Variants in WWC2 observed in about 807,000 individuals in gnomAD.
WWC2 encodes protein WWC2.
Under a neutral mutation model 138.5 loss-of-function variants are expected in WWC2, and 101 were observed. That is an observed-to-expected ratio of 0.73 (90% CI 0.62 to 0.86). WWC2 has a LOEUF of 0.86. WWC2 is among the 40% of genes least tolerant of loss of function. WWC2 has a pLI of 0.00. For synonymous variants in WWC2, 558 were observed against 538.4 expected (o/e 1.04, Z -0.50); for missense variants, 1,420 against 1,419.4 (o/e 1.00, Z -0.01).
intron 1 of WWC2, among the ~76,000 whole-genome samples, chr4:183,193,218 C>T (rs1480069329): frequency 6.6e-6 from 1 of 152,176 alleles, no homozygotes; most frequent in Non-Finnish European, 1.5e-5. Context: ...GATCTTGTCT[C>T]CATGCTACTG....
At chr4:183,111,099 G>A (rs1311973833) in intron 1 of WWC2, among the ~76,000 whole-genome samples, 1 of 152,120 alleles carries the variant, frequency 6.6e-6, no homozygotes, top group South Asian at 2.1e-4. Context: ...AATTAGCCGG[G>A]CGTCGTGGCA....
rs192120114 is a variant in WWC2 at position 183,227,727 on chromosome 4, A to G, written c.523-12456A>G. On this transcript the variant is annotated intron_variant, in intron 4 of 22. Transcript: ENST00000403733. ...AGTAATAGCTTATTTTTTCATACCA[A>G]TCGTGTTTTCTTATACCTTCAGTGT... Among the ~76,000 whole-genome samples the G allele has an allele frequency of 4.1e-3, 619 of 152,176 alleles. 5 individuals are homozygous for G. The highest frequency in any genetic ancestry group is 7.5e-3 in the Non-Finnish European group (512 of 68,016).
intron 18 of WWC2, among the ~76,000 whole-genome samples, 155 bp from the exon 19 acceptor site, chr4:183,284,071 A>T (rs1580147073): frequency 2.0e-5 from 3 of 152,338 alleles, no homozygotes; most frequent in African/African-American, 7.2e-5. Context: ...CTTCAGAAGT[A>T]CTATAGTCTG....
At chr4:183,307,194 C>A (rs1739050663) in intron 21 of WWC2, among the ~76,000 whole-genome samples, 1 of 152,090 alleles carries the variant, frequency 6.6e-6, no homozygotes, top group Admixed American at 6.5e-5. Context: ...CTGGAAAATT[C>A]CAAAATACTT....
At chr4:183,272,972 G>A (rs1737740444) in intron 16 of WWC2, among the ~76,000 whole-genome samples, 3 of 152,192 alleles carry the variant, frequency 2.0e-5, no homozygotes, top group Admixed American at 2.0e-4. Context: ...GTACCTATGA[G>A]TAGAACTGTT....
chr4:183,192,923 T>G (rs1038497178), intron 1 of WWC2, among the ~76,000 whole-genome samples: 6 of 152,186 alleles, frequency 3.9e-5, no homozygotes, highest in Non-Finnish European at 8.8e-5. Flanking sequence ...GGTTTCTTCA[T>G]TAGTTTTAAA....
chr4:183,243,576 T>A (rs1253987045), intron 5 of WWC2, among the ~76,000 whole-genome samples: 1 of 152,182 alleles, frequency 6.6e-6, no homozygotes, highest in Admixed American at 6.5e-5. Context: ...GTGGTAGTCA[T>A]AAGAGCCCCA....
At chr4:183,294,761 T>G (rs931589570) in intron 21 of WWC2, among the ~76,000 whole-genome samples, 1 of 19,478 alleles carries the variant, frequency 5.1e-5, no homozygotes, top group South Asian at 2.1e-3. Context: ...TTCCTGAGTG[T>G]TTTTTTTTTA....
chr4:183,208,571 G>T (rs1327620643), intron 3 of WWC2, among the ~76,000 whole-genome samples: 3 of 152,182 alleles, frequency 2.0e-5, no homozygotes. Flanking sequence ...CTCACAGATT[G>T]ACTATTTGGA....
chr4:183,119,217 A>G (rs1254791997), intron 1 of WWC2, among the ~76,000 whole-genome samples: 1 of 152,210 alleles, frequency 6.6e-6, no homozygotes, highest in East Asian at 1.9e-4. Flanking sequence ...CCTGCCGTTA[A>G]GATGAATTTC....
intron 1 of WWC2, among the ~76,000 whole-genome samples, chr4:183,185,816 C>A (rs922100483): frequency 1.3e-5 from 2 of 151,932 alleles, no homozygotes; most frequent in African/African-American, 4.8e-5. Flanking sequence ...AAAAAGTATA[C>A]CTACTTTGCA....
chr4:183,113,528 GCGCGCACATGCACGTGCA>G (rs1732316171), intron 1 of WWC2, among the ~76,000 whole-genome samples: 3 of 148,572 alleles, frequency 2.0e-5, no homozygotes, highest in South Asian at 2.1e-4. Context: ...GCGCGCGTGC[GCGCGCACATGCACGTGCA>G]TGCAAGATGA....
chr4:183,270,952 G>A, intron 15 of WWC2, 128 bp from the exon 16 acceptor site: 1 of 822,120 alleles, frequency 1.2e-6, no homozygotes, highest in Non-Finnish European at 1.7e-6. Flanking sequence ...TATGTCAGGA[G>A]AATTGTGTTT....
At chr4:183,241,119 C>T (rs940063697) in intron 5 of WWC2, among the ~76,000 whole-genome samples, 1 of 152,158 alleles carries the variant, frequency 6.6e-6, no homozygotes, top group Admixed American at 6.5e-5. Context: ...TGCTTGGTGC[C>T]TCCAAGTGCG....
chr4:183,315,469 G>T (rs530564034), intron 22 of WWC2, among the ~76,000 whole-genome samples, 194 bp from the exon 23 acceptor site: 1 of 151,992 alleles, frequency 6.6e-6, no homozygotes, highest in African/African-American at 2.4e-5. Flanking sequence ...CAGAGCTGCT[G>T]TTCTCCTTGA....
intron 1 of WWC2, among the ~76,000 whole-genome samples, chr4:183,116,577 G>A (rs1033317867): frequency 6.6e-6 from 1 of 152,212 alleles, no homozygotes; most frequent in Non-Finnish European, 1.5e-5. Context: ...TTCCTGCTAG[G>A]AAAGGCCTTT....
At chr4:183,238,793 T>C (rs1284777115) in intron 4 of WWC2, among the ~76,000 whole-genome samples, 1 of 152,152 alleles carries the variant, frequency 6.6e-6, no homozygotes, top group Non-Finnish European at 1.5e-5. Context: ...TTAGAGCACC[T>C]TTGGTAATTA....
chr4:183,135,904 G>A (rs571742622), intron 1 of WWC2, among the ~76,000 whole-genome samples: 2 of 152,036 alleles, frequency 1.3e-5, no homozygotes, highest in African/African-American at 2.4e-5. Flanking sequence ...TTTATTTTTG[G>A]TTTTTTAAAA....
intron 1 of WWC2, among the ~76,000 whole-genome samples, chr4:183,161,037 T>TA (rs553051059): frequency 3.1e-4 from 46 of 146,532 alleles, no homozygotes; most frequent in South Asian, 1.3e-3. Flanking sequence ...CCTAGAGCAT[T>TA]AAAAAAAAAA....
Sources: allele counts gnomAD v4.1 joint callset (sites outside exome capture counted in the v4.1 genomes callset), GRCh38; gene constraint gnomAD v4.1.1; transcripts MANE v1.5; gene names NCBI Gene and HGNC (gene_info 2026-07-23, HGNC 2026-07-21).